Variants in ANXA6 observed in about 807,000 individuals in gnomAD.
The protein encoded by ANXA6 is 67 kDa calelectrin.
Under a neutral mutation model 95.4 loss-of-function variants are expected in ANXA6, and 71 were observed. The ratio of observed to expected loss-of-function variants is 0.74; its 90% confidence interval spans 0.61 to 0.91. ANXA6 has a LOEUF of 0.91. ANXA6 is among the 40% of genes least tolerant of loss of function. The pLI is 0.00. For missense variants in ANXA6, 830 were observed against 876.4 expected, an observed-to-expected ratio of 0.95 and a Z score of 0.67; for synonymous variants, 289 against 315.9, an observed-to-expected ratio of 0.91 and a Z score of 0.90.
At position 151,117,773 on chromosome 5, in the gene ANXA6, G is replaced by A. The variant is rs1428099180; in HGVS notation, c.1503C>T (p.Leu501=). The A allele has an allele frequency of 1.9e-6, 3 of 1,613,814 alleles. No homozygotes were observed. The South Asian group carries it at 3.3e-5, about 18-fold the overall frequency. ...ATTCACTCACCGTGGCCAGAGAAAT[G>A]AGGATCCTCCTGAAGTGGCCAGATG... ...SDTSGHFRRI[L]ISLATGHREE... The change falls in exon 19 of 26, where the codon CTC becomes CTT. Residue 501 remains leucine, a synonymous_variant. Coordinates refer to ENST00000354546, the MANE Select transcript of ANXA6 (RefSeq NM_001155.5).
chr5:151,133,023 G>T lies in ANXA6; in HGVS notation c.640+71C>A, dbSNP rs148351372. ...CATGTTCCATTAGTGGTAAAGAAAAGAAAAGAGATAAAGAAAGGCATTATT... is the reference window on the plus strand; with the variant it reads ...CATGTTCCATTAGTGGTAAAGAAAATAAAAGAGATAAAGAAAGGCATTATT... On this transcript the variant is annotated intron_variant, in intron 9 of 25. Transcript: ENST00000354546. 3 of 1,163,282 alleles carry T rather than the reference G, an allele frequency of 2.6e-6. No homozygotes were observed. In the African/African-American group the frequency reaches 5.0e-5, roughly 19 times the overall value. 72.1% of individuals were successfully genotyped at this position (1,163,282 alleles called of 1,614,324 possible). A position where few individuals can be genotyped will look rare whatever the true frequency, so the allele number is the denominator to read the frequency against.
intron 23 of ANXA6, among the ~76,000 whole-genome samples, chr5:151,107,296 T>C (rs1344649441): frequency 6.6e-6 from 1 of 152,238 alleles, no homozygotes; most frequent in African/African-American, 2.4e-5. Context: ...ATCCACCCTA[T>C]GGGCTGGGCA....
intron 25 of ANXA6, among the ~76,000 whole-genome samples, chr5:151,103,353 CTT>C (rs1461692900): frequency 2.0e-5 from 3 of 152,094 alleles, no homozygotes; most frequent in Non-Finnish European, 2.9e-5. Flanking sequence ...AAAATGGGCT[CTT>C]GTTTTATTTG....
intron 2 of ANXA6, among the ~76,000 whole-genome samples, chr5:151,143,970 G>A (rs964512346): frequency 6.6e-6 from 1 of 152,172 alleles, no homozygotes; most frequent in Non-Finnish European, 1.5e-5. Flanking sequence ...GAAGCAAGGG[G>A]CATTCGGGAA....
intron 12 of ANXA6, 114 bp from the exon 13 acceptor site, chr5:151,128,353 A>G (rs983378315): frequency 7.8e-6 from 7 of 897,426 alleles, no homozygotes; most frequent in African/African-American, 5.0e-5. Flanking sequence ...ACACTTATTC[A>G]TAGCAGCCCT....
intron 10 of ANXA6, among the ~76,000 whole-genome samples, chr5:151,131,598 C>T (rs1561578210): frequency 6.6e-6 from 1 of 152,014 alleles, no homozygotes; most frequent in Non-Finnish European, 1.5e-5. Flanking sequence ...GGGTCTGGGG[C>T]GAAGGAGGAA....
At chr5:151,132,428 T>TACTG in intron 10 of ANXA6, 48 bp downstream of exon 10, 1 of 1,399,388 alleles carries the variant, frequency 7.1e-7, no homozygotes, top group Non-Finnish European at 9.9e-7. Flanking sequence ...CCTAGGCCAG[T>TACTG]GTTCCAGAAT....
At chr5:151,113,676 C>T (rs559133484) in intron 20 of ANXA6, among the ~76,000 whole-genome samples, 140 of 152,248 alleles carry the variant, frequency 9.2e-4, no homozygotes, top group African/African-American at 3.2e-3. Flanking sequence ...AATTAATATT[C>T]ACCACAAAAG....
intron 2 of ANXA6, 28 bp downstream of exon 2, chr5:151,147,856 C>T: frequency 1.3e-6 from 2 of 1,589,340 alleles, no homozygotes; most frequent in Non-Finnish European, 1.7e-6. Flanking sequence ...AGGCTGAGTA[C>T]CACCTTCAGG....
intron 15 of ANXA6, among the ~76,000 whole-genome samples, chr5:151,123,689 G>A (rs1031871967): frequency 3.3e-5 from 5 of 152,188 alleles, no homozygotes; most frequent in Non-Finnish European, 7.3e-5. Flanking sequence ...AAAGCCTCCT[G>A]GGAGTTGCTG....
At chr5:151,141,516 G>A in intron 2 of ANXA6, 2 of 985,442 alleles carry the variant, frequency 2.0e-6, no homozygotes, top group Non-Finnish European at 2.4e-6. Context: ...ATGGAGGGTG[G>A]GCCACACAGA....
chr5:151,118,239 C>G (rs1023283101), intron 18 of ANXA6, among the ~76,000 whole-genome samples: 1 of 151,006 alleles, frequency 6.6e-6, no homozygotes, highest in African/African-American at 2.4e-5. Context: ...TTTAAAGCTG[C>G]TTATAAGATA....
At chr5:151,106,060 T>G (rs1764687806) in intron 23 of ANXA6, among the ~76,000 whole-genome samples, 1 of 152,186 alleles carries the variant, frequency 6.6e-6, no homozygotes, top group South Asian at 2.1e-4. Context: ...AAAGAATGAC[T>G]GTCCGTTGGT....
At chr5:151,128,373 G>C (rs1457198219) in intron 12 of ANXA6, 134 bp from the exon 13 acceptor site, 1 of 747,170 alleles carries the variant, frequency 1.3e-6, no homozygotes, top group Non-Finnish European at 2.3e-6. Flanking sequence ...TGGCCCTCCT[G>C]TGCTGGTTAA....
chr5:151,132,885 C>T (rs73799452), intron 9 of ANXA6, among the ~76,000 whole-genome samples: 21,071 of 149,390 alleles, frequency 0.14, 1,531 homozygotes, highest in South Asian at 0.21. Context: ...TAGGTTGGTG[C>T]AAAAGTAATT....
At chr5:151,115,191 G>T (rs1764962991) in intron 20 of ANXA6, among the ~76,000 whole-genome samples, 1 of 152,132 alleles carries the variant, frequency 6.6e-6, no homozygotes, top group East Asian at 1.9e-4. Flanking sequence ...CAGAAATAAA[G>T]AATCCACTTT....
intron 6 of ANXA6, 63 bp downstream of exon 6, chr5:151,137,168 A>G (rs62379671): frequency 1.4e-6 from 2 of 1,385,842 alleles, no homozygotes; most frequent in African/African-American, 2.8e-5. Flanking sequence ...TAGTGTCCCC[A>G]CTGTTGCAAT....
At chr5:151,148,355 C>T (rs1434189201) in intron 1 of ANXA6, among the ~76,000 whole-genome samples, 3 of 152,176 alleles carry the variant, frequency 2.0e-5, no homozygotes, top group Non-Finnish European at 2.9e-5. Context: ...CTGAATTCAA[C>T]AATTTCTAGA....
chr5:151,137,141 GT>G (rs3214443), intron 6 of ANXA6, 89 bp downstream of exon 6: 147,716 of 1,081,104 alleles, frequency 0.14, 11,517 homozygotes, highest in African/African-American at 0.25. Flanking sequence ...AGGAGAGAAG[GT>G]AGATGGCTAG....
Sources: allele counts gnomAD v4.1 joint callset (sites outside exome capture counted in the v4.1 genomes callset), GRCh38; gene constraint gnomAD v4.1.1; transcripts MANE v1.5; gene names NCBI Gene and HGNC (gene_info 2026-07-23, HGNC 2026-07-21).